C11orf65: variants seen among roughly 807,000 people sequenced by gnomAD.
C11orf65 encodes protein MFI.
A neutral mutation model predicts 35.3 loss-of-function variants in C11orf65; 38 were observed. That is an observed-to-expected ratio of 1.08 (90% CI 0.83 to 1.41). The LOEUF (loss-of-function observed/expected upper bound fraction) is 1.41. Ranked by LOEUF, C11orf65 falls within the 40% of genes most tolerant of loss-of-function variation. The pLI is 0.00. For synonymous variants in C11orf65, 105 were observed against 114.4 expected (o/e 0.92, Z 0.53); for missense variants, 370 against 367.1 (o/e 1.01, Z -0.06).
chr11:108,432,440 A>G (rs1353725561), intron 2 of C11orf65, among the ~76,000 whole-genome samples: 1 of 152,222 alleles, frequency 6.6e-6, no homozygotes, highest in Non-Finnish European at 1.5e-5. Context: ...GATGTATTAC[A>G]GGATTCTGTA....
At position 108,393,189 on chromosome 11, in the gene C11orf65, A is replaced by G; in HGVS notation, c.731+19T>C. 6.2e-7 allele frequency: 1 copy of G among 1,603,630 alleles called. No individual in the cohort carries two copies. Among genetic ancestry groups the G allele is most frequent in the Non-Finnish European group, 8.5e-7 (1 of 1,172,766 alleles). ...ATGATGACTGCCCTTGTTCCCCAAG[A>G]ATAGCAACATGTACTTACTCATCAA... On this transcript the variant is annotated intron_variant, in intron 7 of 8. Transcript: ENST00000393084.
At chr11:108,440,924 T>A (rs1342918269) in intron 2 of C11orf65, among the ~76,000 whole-genome samples, 1 of 152,000 alleles carries the variant, frequency 6.6e-6, no homozygotes, top group Non-Finnish European at 1.5e-5. Flanking sequence ...AGAAGACAGG[T>A]GATTTCGGCA....
At chr11:108,399,813 T>A (rs1029347115) in intron 6 of C11orf65, among the ~76,000 whole-genome samples, 1 of 152,198 alleles carries the variant, frequency 6.6e-6, no homozygotes, top group Non-Finnish European at 1.5e-5. Context: ...TCATAGCACT[T>A]GGTATCTTAT....
At chr11:108,422,163 C>T (rs1227835511) in intron 3 of C11orf65, among the ~76,000 whole-genome samples, 2 of 152,108 alleles carry the variant, frequency 1.3e-5, no homozygotes, top group East Asian at 3.9e-4. Flanking sequence ...CTCCTGACCT[C>T]ATGATCCGCC....
chr11:108,382,726 A>G (rs1055026423), downstream of C11orf65: 1 of 967,316 alleles, frequency 1.0e-6, no homozygotes, highest in Non-Finnish European at 1.2e-6. Context: ...GCCTCAAGTA[A>G]ACATGCAAAA....
chr11:108,348,277 A>C (rs543074716), intron 2 of C11orf65, among the ~76,000 whole-genome samples: 67 of 151,988 alleles, frequency 4.4e-4, no homozygotes, highest in African/African-American at 1.3e-3. Context: ...GCTAAGGAAT[A>C]TATCAAGTTT....
chr11:108,370,958 A>G (rs2091556953), intron 2 of C11orf65, among the ~76,000 whole-genome samples: 1 of 152,174 alleles, frequency 6.6e-6, no homozygotes, highest in Admixed American at 6.5e-5. Flanking sequence ...TCCCAAGAAA[A>G]ATCAGTAATA....
At chr11:108,335,150 TG>T (rs1565541494) in intron 3 of C11orf65, 1 of 1,613,052 alleles carries the variant, frequency 6.2e-7, no homozygotes, top group African/African-American at 1.3e-5. Flanking sequence ...AGAGTTTTAG[TG>T]ATGAAAATTT....
chr11:108,319,863 TA>T, intron 6 of C11orf65: 1 of 894,700 alleles, frequency 1.1e-6, no homozygotes, highest in Non-Finnish European at 1.8e-6. Flanking sequence ...AATGTTAATT[TA>T]AAAATTTTGT....
intron 3 of C11orf65, among the ~76,000 whole-genome samples, chr11:108,407,745 C>T (rs1053786422): frequency 6.6e-6 from 1 of 150,414 alleles, no homozygotes; most frequent in Non-Finnish European, 1.5e-5. Flanking sequence ...GAGATCGAGA[C>T]CACGGTGAAA....
chr11:108,397,697 C>T (rs2092349452), intron 6 of C11orf65, among the ~76,000 whole-genome samples: 1 of 152,140 alleles, frequency 6.6e-6, no homozygotes, highest in East Asian at 1.9e-4. Flanking sequence ...CATAAATGAA[C>T]AAAGCACACA....
In C11orf65 at chr11:108,407,158, A is replaced by G; in HGVS notation, c.175-9T>C. 6.4e-7 allele frequency: 1 copy of G among 1,573,440 alleles called. No individual in the cohort carries two copies. Among genetic ancestry groups the G allele is most frequent in the Non-Finnish European group, 8.7e-7 (1 of 1,151,454 alleles). On this transcript the variant is annotated splice_polypyrimidine_tract_variant and intron_variant, in intron 3 of 8. Transcript: ENST00000393084. The stretch of plus-strand genomic sequence containing the variant: ...GCATCTAGAAGCTCTGCCTATAAGA[A>G]AATATATTATTCTTATATATTATTC...
At chr11:108,427,231 T>C (rs182908043) in intron 3 of C11orf65, among the ~76,000 whole-genome samples, 1 of 151,576 alleles carries the variant, frequency 6.6e-6, no homozygotes, top group Non-Finnish European at 1.5e-5. Flanking sequence ...CAAAAGAAAC[T>C]ATCATCAGAA....
chr11:108,331,702 C>A, intron 3 of C11orf65: 1 of 1,318,080 alleles, frequency 7.6e-7, no homozygotes, highest in East Asian at 2.5e-5. Flanking sequence ...ATAAGTTACT[C>A]ATTTTCTCTC....
At chr11:108,398,889 A>G (rs1406706127) in intron 6 of C11orf65, among the ~76,000 whole-genome samples, 1 of 152,266 alleles carries the variant, frequency 6.6e-6, no homozygotes, top group Non-Finnish European at 1.5e-5. Context: ...TATCCAGAAT[A>G]TTTGTCTATC....
intron 2 of C11orf65, among the ~76,000 whole-genome samples, chr11:108,450,619 TG>T (rs1279544528): frequency 1.0e-5 from 1 of 95,906 alleles, no homozygotes; most frequent in Non-Finnish European, 1.9e-5. Context: ...CTCCAGGGAC[TG>T]TTGTGGGGTG....
upstream of C11orf65, among the ~76,000 whole-genome samples, chr11:108,468,215 G>A (rs1419266714): frequency 1.3e-5 from 2 of 152,186 alleles, no homozygotes; most frequent in East Asian, 3.8e-4. Flanking sequence ...GACAGGTCTT[G>A]CTCAAGGTCA....
intron 6 of C11orf65, chr11:108,325,249 GTTTT>G (rs11366542): frequency 1.1e-3 from 618 of 564,190 alleles, no homozygotes; most frequent in Non-Finnish European, 1.2e-3. Flanking sequence ...AACTTACATA[GTTTT>G]TTTTTTTTTT....
intron 2 of C11orf65, among the ~76,000 whole-genome samples, chr11:108,351,372 A>G (rs535431164): frequency 1.3e-4 from 20 of 152,332 alleles, no homozygotes; most frequent in African/African-American, 3.6e-4. Context: ...TTTGTATACT[A>G]TTCTGTGTAT....
Sources: gnomAD v4.1 joint callset for allele counts (sites outside exome capture counted in the v4.1 genomes callset) on GRCh38, gnomAD v4.1.1 for gene constraint, MANE v1.5 for transcripts, NCBI Gene and HGNC (gene_info 2026-07-23, HGNC 2026-07-21) for gene names.